Variants in DOP1A observed in about 807,000 individuals in gnomAD.
DOP1A encodes protein DOP1A.
Under a neutral mutation model 267.6 loss-of-function variants are expected in DOP1A, and 90 were observed. The ratio of observed to expected loss-of-function variants is 0.34; its 90% confidence interval spans 0.28 to 0.40. The LOEUF is 0.40. Among genes scored for constraint, DOP1A ranks in the 10% least tolerant of loss-of-function variants. The pLI is 1.00. For missense variants in DOP1A, 2,437 were observed against 2,900.4 expected (o/e 0.84, Z 3.67); for synonymous variants, 932 against 999.1 (o/e 0.93, Z 1.27).
chr6:83,125,625 A>G lies in DOP1A; in HGVS notation c.1611A>G (p.Ser537=), dbSNP rs188057648. ...SELTDSLRLC[S]KILSKVQPPL... is the part of the protein sequence containing the mutation. ...TCACAGATTCTCTCAGACTCTGCTC[A>G]AAGATCCTTAGCAAGGTTCAGCCTC... The change falls in exon 15 of 39, where the codon TCA becomes TCG. Residue 537 remains serine (S), a synonymous_variant. Coordinates refer to ENST00000349129, the MANE Select transcript of DOP1A (RefSeq NM_015018.4). 3.2e-5 allele frequency: 51 copies of G among 1,613,860 alleles called. No homozygotes were observed. The East Asian group carries it at 1.1e-3, about 35-fold the overall frequency.
At chr6:83,130,472 AATT>A in intron 17 of DOP1A, 75 bp downstream of exon 17, 1 of 1,514,940 alleles carries the variant, frequency 6.6e-7, no homozygotes, top group South Asian at 1.3e-5. Flanking sequence ...TTGCTTTAAG[AATT>A]ATTTTTTAAA....
intron 17 of DOP1A, 112 bp from the exon 18 acceptor site, chr6:83,132,064 A>G (rs1177638075): frequency 3.1e-6 from 4 of 1,289,720 alleles, no homozygotes; most frequent in South Asian, 1.5e-5. Context: ...GTAGAATATT[A>G]AAAGCCTTTC....
intron 7 of DOP1A, among the ~76,000 whole-genome samples, chr6:83,115,029 G>A (rs1196612975): frequency 1.3e-5 from 2 of 152,032 alleles, no homozygotes; most frequent in Non-Finnish European, 2.9e-5. Context: ...TCCAAGTATG[G>A]ATTGTATTAT....
At chr6:83,094,122 A>C (rs1364421645) in intron 1 of DOP1A, among the ~76,000 whole-genome samples, 1 of 151,942 alleles carries the variant, frequency 6.6e-6, no homozygotes, top group African/African-American at 2.4e-5. Context: ...CTTTGTCTCT[A>C]TAGATTTTTC....
intron 1 of DOP1A, among the ~76,000 whole-genome samples, chr6:83,078,766 G>C (rs760225675): frequency 2.0e-5 from 3 of 152,086 alleles, no homozygotes; most frequent in Non-Finnish European, 2.9e-5. Context: ...GTTTTGTAGA[G>C]ATTTTTTACA....
intron 2 of DOP1A, 44 bp downstream of exon 2, chr6:83,096,867 C>G: frequency 7.8e-7 from 1 of 1,277,620 alleles, no homozygotes. Context: ...GTAGTAAGAT[C>G]ATATGAACCC....
chr6:83,104,252 C>T (rs904436026), intron 4 of DOP1A, among the ~76,000 whole-genome samples: 7 of 152,132 alleles, frequency 4.6e-5, no homozygotes, highest in South Asian at 4.1e-4. Flanking sequence ...TTTTCTTTTC[C>T]GATTTTAATA....
chr6:83,112,908 T>A (rs1774812817), intron 6 of DOP1A, among the ~76,000 whole-genome samples: 1 of 152,232 alleles, frequency 6.6e-6, no homozygotes, highest in Non-Finnish European at 1.5e-5. Context: ...TGCACATGAT[T>A]AGAAGCTTGG....
chr6:83,152,166 A>AATATATATATACATATAC (rs1554249675), intron 29 of DOP1A, 122 bp from the exon 30 acceptor site: 3 of 911,220 alleles, frequency 3.3e-6, no homozygotes, highest in African/African-American at 3.4e-5. Flanking sequence ...CAGTGGGAAA[A>AATATATATATACATATAC]ATATATATAT....
rs1776859993 is a variant in DOP1A at position 83,124,626 on chromosome 6, A to T, written c.1341-79A>T. ...GTGACCCAATATTGACTTGGACTTCATTAGAAGGATGATGATGCTGTCACA... is the reference window on the plus strand; with the variant it reads ...GTGACCCAATATTGACTTGGACTTCTTTAGAAGGATGATGATGCTGTCACA... On this transcript the variant is annotated intron_variant, in intron 12 of 38. Coordinates refer to ENST00000349129, the MANE Select transcript of DOP1A (RefSeq NM_015018.4). 8 of 1,050,468 alleles carry T rather than the reference A, an allele frequency of 7.6e-6. No individual in the cohort carries two copies. In the Admixed American group the frequency reaches 1.6e-4, roughly 21 times the overall value. The allele number at this position is 1,050,468 out of a possible 1,614,324, so 65.1% of individuals were successfully genotyped here. A position where few individuals can be genotyped will look rare whatever the true frequency, so the allele number is the denominator to read the frequency against.
rs1194193917 is a variant in DOP1A at position 83,128,958 on chromosome 6, A to G, written c.1791A>G (p.Ser597=). ...GAGAAAATCCACCAAGTAGTCGATC[A>G]TCAGAGAGTGGATTCACTGAGTTTA... The part of the protein sequence containing the change: ...EDGENPPSSR[S]SESGFTEFIQ... The change falls in exon 16 of 39, where the codon TCA becomes TCG. Residue 597 remains serine (S), a synonymous_variant. Transcript: ENST00000349129. 1.9e-6 allele frequency: 3 copies of G among 1,586,038 alleles called. No individual in the cohort carries two copies. The highest frequency in any genetic ancestry group is 1.2e-5 in the South Asian group (1 of 86,712).
At chr6:83,128,859 CT>C (rs755893612) in intron 15 of DOP1A, 27 bp from the exon 16 acceptor site, 1 of 1,511,590 alleles carries the variant, frequency 6.6e-7, no homozygotes, top group Non-Finnish European at 8.8e-7. Flanking sequence ...GCTACTCAGC[CT>C]TTTGTTTTCT....
At chr6:83,153,748 A>G in intron 31 of DOP1A, 128 bp downstream of exon 31, 2 of 1,175,446 alleles carry the variant, frequency 1.7e-6, no homozygotes, top group Non-Finnish European at 2.3e-6. Context: ...AATTGTTTAA[A>G]AAAATTCATA....
At chr6:83,139,855 C>A in intron 21 of DOP1A, 145 bp from the exon 22 acceptor site, 1 of 557,366 alleles carries the variant, frequency 1.8e-6, no homozygotes, top group Non-Finnish European at 3.1e-6. Context: ...AATAAAAGCC[C>A]CTGATTTATT....
chr6:83,150,721 A>T (rs1406363471), intron 27 of DOP1A, among the ~76,000 whole-genome samples: 1 of 152,184 alleles, frequency 6.6e-6, no homozygotes, highest in East Asian at 1.9e-4. Context: ...AATAATGAAA[A>T]TGGAAATTTT....
chr6:83,125,169 A>G lies in DOP1A; in HGVS notation c.1459A>G (p.Thr487Ala), dbSNP rs1776960805. ...TCTTTGCTTTCTCATTTTGAAGCCT[A>G]CTAGAAGTATGAGGGTGCTGTGTCA... ...DFLLDIVSLP[T>A]RSMRVLCQET... The change falls in exon 14 of 39, where the codon ACT (threonine) becomes GCT (alanine). Residue 487 changes from threonine to alanine, a missense_variant. Transcript: ENST00000349129. The G allele has an allele frequency of 6.3e-7, 1 of 1,583,678 alleles. No individual in the cohort carries two copies. Among genetic ancestry groups the G allele is most frequent in the African/African-American group, 1.4e-5 (1 of 73,150 alleles).
intron 1 of DOP1A, among the ~76,000 whole-genome samples, chr6:83,094,993 C>T (rs1353918373): frequency 6.6e-6 from 1 of 152,110 alleles, no homozygotes; most frequent in East Asian, 1.9e-4. Flanking sequence ...GGTGCAGCGG[C>T]GTGATCTTGG....
chr6:83,167,230 C>T (rs1785950808), intron 38 of DOP1A: 5 of 943,294 alleles, frequency 5.3e-6, no homozygotes, highest in Non-Finnish European at 6.3e-6. Flanking sequence ...GCAGAGCCAG[C>T]ACACTAACTC....
rs1311085328 is a variant in DOP1A at position 83,097,035 on chromosome 6, G to T, written c.58G>T (p.Ala20Ser). The change falls in exon 3 of 39, where the codon GCA becomes TCA. Residue 20 changes from alanine (A) to serine (S), a missense_variant. By Grantham distance (99) the Ala-to-Ser change is moderately conservative (BLOSUM62 1). Around this residue, in one of 9 missense-constraint regions of DOP1A, gnomAD observed 251 missense variants for 359.1 expected, o/e 0.70. Transcript: ENST00000349129. ...CTCCAAATACAGAAACTATGTAGCA[G>T]CAATTGACAAAGCACTAAAGAATTT... The part of the protein sequence containing the change: ...SDSKYRNYVA[A>S]IDKALKNFEY... 1.9e-6 allele frequency: 3 copies of T among 1,614,060 alleles called. No homozygotes were observed. In the South Asian group the frequency reaches 3.3e-5, roughly 18 times the overall value.
Sources: allele counts gnomAD v4.1 joint callset (sites outside exome capture counted in the v4.1 genomes callset), GRCh38; gene constraint gnomAD v4.1.1; regional missense constraint gnomAD v4.1.1; transcripts MANE v1.5; gene names NCBI Gene and HGNC (gene_info 2026-07-23, HGNC 2026-07-21).